H2AJ: variants seen among roughly 807,000 people sequenced by gnomAD.
H2AJ encodes the protein histone H2A.J.
Under a neutral mutation model 7.9 loss-of-function variants are expected in H2AJ, and 3 were observed. The ratio of observed to expected loss-of-function variants is 0.38; its 90% CI spans 0.17 to 0.98. The LOEUF is 0.98. Among genes scored for constraint, H2AJ ranks in the 50% least tolerant of loss-of-function variants. The pLI, the probability that H2AJ is intolerant of heterozygous loss-of-function variation, is 0.39. For missense variants in H2AJ, 128 were observed against 174.4 expected (o/e 0.73, Z 1.50); for synonymous variants, 98 against 85.7 (o/e 1.14, Z -0.79).
At chr12:14,776,019 C>T (rs1397285916), downstream of H2AJ, 1 of 167,176 alleles carries the variant, frequency 6.0e-6, no homozygotes, top group Non-Finnish European at 1.5e-5. Flanking sequence ...AATTGACACT[C>T]CTATTTATTT....
Position 14,774,905 on chromosome 12 carries a change from TTTTCA to T in H2AJ, c.*47_*51del, listed in dbSNP as rs1949612721. 1 of 1,583,472 alleles carries T rather than the reference TTTTCA, an allele frequency of 6.3e-7. No homozygotes were observed. The highest frequency in any genetic ancestry group is 8.6e-7 in the Non-Finnish European group (1 of 1,164,770). The stretch of plus-strand genomic sequence containing the variant: ...GAGCTGGCTCCCCCAGCAAAGGCCC[TTTTCA>T]TGGTCGTCCCGCAATGCTTTTGAAT... On this transcript the variant is annotated 3_prime_UTR_variant, in exon 1 of 1. Transcript: ENST00000544848.
chr12:14,774,949 T>C lies in H2AJ; in HGVS notation c.*89T>C. 1 of 1,434,466 alleles carries C rather than the reference T, an allele frequency of 7.0e-7. No homozygotes were observed. The highest frequency in any genetic ancestry group is 9.5e-7 in the Non-Finnish European group (1 of 1,056,898). 88.9% of individuals were successfully genotyped at this position (1,434,466 alleles called of 1,614,324 possible). ...ATGCTTTTGAATGTGCTGGATGTCA[T>C]GGAGGGCCGGTGACATCTAGCGGGG... On this transcript the variant is annotated 3_prime_UTR_variant, in exon 1 of 1. Coordinates refer to ENST00000544848, the MANE Select transcript of H2AJ (RefSeq NM_177925.5).
chr12:14,775,152 A>G, downstream of H2AJ: 1 of 499,988 alleles, frequency 2.0e-6, no homozygotes, highest in East Asian at 4.2e-5. Context: ...TTTAGTCCGC[A>G]GGTCACCCTC....
At position 14,774,970 on chromosome 12, in the gene H2AJ, C is replaced by G. The variant is rs753857466; in HGVS notation, c.*110C>G. ...GTCATGGAGGGCCGGTGACATCTAG[C>G]GGGGAGGTGGGCGGCGAGGGTCCCG... On this transcript the variant is annotated 3_prime_UTR_variant, in exon 1 of 1. Transcript: ENST00000544848. 1 of 1,305,902 alleles carries G rather than the reference C, an allele frequency of 7.7e-7. No homozygotes were observed. The highest frequency in any genetic ancestry group is 1.1e-6 in the Non-Finnish European group (1 of 952,080). 80.9% of individuals were successfully genotyped at this position (1,305,902 alleles called of 1,614,324 possible).
rs752051327 is a variant in H2AJ at position 14,774,441 on chromosome 12, C to A, written c.-30C>A. On this transcript the variant is annotated 5_prime_UTR_variant, in exon 1 of 1. Coordinates refer to ENST00000544848, the MANE Select transcript of H2AJ (RefSeq NM_177925.5). ...CCGGACGCCGAGAGCGGTTTGTCTC[C>A]GTCTCTGGAGTTGTAGGCGAGAGGT... The A allele has an allele frequency of 3.1e-5, 48 of 1,531,490 alleles. No individual in the cohort carries two copies. Among genetic ancestry groups the A allele is most frequent in the African/African-American group, 6.9e-5 (5 of 72,002 alleles). The allele number at this position is 1,531,490 out of a possible 1,614,324, so 94.9% of individuals were successfully genotyped here.
chr12:14,774,458 GC>G lies in H2AJ; in HGVS notation c.-12del. 1 of 1,552,622 alleles carries G rather than the reference GC, an allele frequency of 6.4e-7. No individual in the cohort carries two copies. Among genetic ancestry groups the G allele is most frequent in the Non-Finnish European group, 8.7e-7 (1 of 1,151,492 alleles). On this transcript the variant is annotated 5_prime_UTR_variant, in exon 1 of 1. Coordinates refer to ENST00000544848, the MANE Select transcript of H2AJ (RefSeq NM_177925.5). ...TTTGTCTCCGTCTCTGGAGTTGTAGGCGAGAGGTGATCATGTCCGGTCGCGG... is the reference window on the plus strand; with the variant it reads ...TTTGTCTCCGTCTCTGGAGTTGTAGGGAGAGGTGATCATGTCCGGTCGCGG...
Position 14,774,903 on chromosome 12 carries a change from C to T in H2AJ, c.*43C>T, listed in dbSNP as rs1949612538. 6.3e-7 allele frequency: 1 copy of T among 1,589,642 alleles called. No individual in the cohort carries two copies. The highest frequency in any genetic ancestry group is 1.4e-5 in the African/African-American group (1 of 73,826). ...GGGAGCTGGCTCCCCCAGCAAAGGC[C>T]CTTTTCATGGTCGTCCCGCAATGCT... is the stretch of plus-strand genomic sequence containing the variant. On this transcript the variant is annotated 3_prime_UTR_variant, in exon 1 of 1. Transcript: ENST00000544848.
chr12:14,777,982 A>T (rs1291051958), downstream of H2AJ: 1 of 166,964 alleles, frequency 6.0e-6, no homozygotes, highest in Non-Finnish European at 1.5e-5. Context: ...AAAAGTAATG[A>T]TTAAAGCTTG....
downstream of H2AJ, chr12:14,777,579 TA>T: frequency 6.0e-6 from 1 of 167,104 alleles, no homozygotes; most frequent in East Asian, 1.9e-4. Context: ...AAAGGTCGCA[TA>T]CCATGCTGTG....
In H2AJ at chr12:14,774,730, C is replaced by G; in HGVS notation, c.260C>G (p.Ala87Gly). The change falls in exon 1 of 1, where the codon GCC becomes GGC. Residue 87 changes from alanine to glycine, a missense_variant. Physicochemically the swap from Ala to Gly is moderately conservative, Grantham distance 60. Transcript: ENST00000544848. The stretch of plus-strand genomic sequence containing the variant: ...ATAATTCCCCGCCACCTGCAGCTCG[C>G]CATCCGCAACGACGAGGAGTTAAAC... ...TRIIPRHLQL[A>G]IRNDEELNKL... The G allele has an allele frequency of 6.2e-7, 1 of 1,614,218 alleles. No homozygotes were observed. Among genetic ancestry groups the G allele is most frequent in the African/African-American group, 1.3e-5 (1 of 75,060 alleles).
chr12:14,776,733 C>G (rs3748289), downstream of H2AJ: 14,767 of 167,070 alleles, frequency 0.088, 961 homozygotes, highest in Admixed American at 0.21. Flanking sequence ...GTTAGAACTA[C>G]TACTCACAGT....
chr12:14,777,418 T>C (rs1949655546), downstream of H2AJ: 1 of 167,226 alleles, frequency 6.0e-6, no homozygotes, highest in South Asian at 2.1e-4. Context: ...TTGATCTTTG[T>C]TTTTCCTGCA....
chr12:14,776,402 C>T (rs1409414824), downstream of H2AJ: 1 of 167,086 alleles, frequency 6.0e-6, no homozygotes, highest in Non-Finnish European at 1.5e-5. Context: ...AGTACTTGTA[C>T]CTCTCTGCTG....
At chr12:14,775,116 G>A (rs1592206796), downstream of H2AJ, 1 of 543,744 alleles carries the variant, frequency 1.8e-6, no homozygotes, top group African/African-American at 1.9e-5. Flanking sequence ...GGCACTGGTG[G>A]GTGGGCTTGA....
chr12:14,774,688 A>G lies in H2AJ; in HGVS notation c.218A>G (p.Asp73Gly). The change falls in exon 1 of 1, where the codon GAC (aspartate) becomes GGC (glycine). Residue 73 changes from aspartate to glycine, a missense_variant. Coordinates refer to ENST00000544848, the MANE Select transcript of H2AJ (RefSeq NM_177925.5). Reference sequence around the variant, plus strand: ...GAGCTGGCTGGCAACGCCGCGCGTGACAACAAGAAGACCAGGATAATTCCC... The same window carrying G: ...GAGCTGGCTGGCAACGCCGCGCGTGGCAACAAGAAGACCAGGATAATTCCC... ...ILELAGNAAR[D>G]NKKTRIIPRH... The G allele has an allele frequency of 6.2e-7, 1 of 1,614,168 alleles. No homozygotes were observed. Among genetic ancestry groups the G allele is most frequent in the Non-Finnish European group, 8.5e-7 (1 of 1,180,034 alleles).
Position 14,774,632 on chromosome 12 carries a change from G to A in H2AJ, c.162G>A (p.Ala54=), listed in dbSNP as rs763715842. 9 of 1,614,132 alleles carry A rather than the reference G, an allele frequency of 5.6e-6. No individual in the cohort carries two copies. In the Admixed American group the frequency reaches 1.3e-4, roughly 24 times the overall value. The change falls in exon 1 of 1, where the codon GCG becomes GCA. Residue 54 remains alanine (A), a synonymous_variant. Transcript: ENST00000544848. ...VGAGAPVYLA[A]VLEYLTAEIL... The stretch of plus-strand genomic sequence containing the variant: ...CCGGGGCGCCGGTGTACCTGGCGGC[G>A]GTGTTGGAGTACCTTACGGCGGAGA...
downstream of H2AJ, chr12:14,776,379 A>G (rs1359546422): frequency 1.2e-5 from 2 of 167,104 alleles, no homozygotes; most frequent in Non-Finnish European, 2.9e-5. Flanking sequence ...AATATGAGAG[A>G]TCAGCTTCTG....
downstream of H2AJ, chr12:14,777,257 G>A (rs1015152028): frequency 4.2e-5 from 7 of 166,998 alleles, no homozygotes; most frequent in African/African-American, 1.7e-4. Context: ...TATGGAAAAA[G>A]GCCTAAGACA....
chr12:14,774,891 C>A lies in H2AJ; in HGVS notation c.*31C>A, dbSNP rs6645. The A allele has an allele frequency of 6.2e-7, 1 of 1,601,660 alleles. No individual in the cohort carries two copies. Among genetic ancestry groups the A allele is most frequent in the Non-Finnish European group, 8.5e-7 (1 of 1,174,010 alleles). On this transcript the variant is annotated 3_prime_UTR_variant, in exon 1 of 1. Coordinates refer to ENST00000544848, the MANE Select transcript of H2AJ (RefSeq NM_177925.5). ...ACGCCGCCCTCAGGGAGCTGGCTCCCCCAGCAAAGGCCCTTTTCATGGTCG... is the reference window on the plus strand; with the variant it reads ...ACGCCGCCCTCAGGGAGCTGGCTCCACCAGCAAAGGCCCTTTTCATGGTCG...
Sources: gnomAD v4.1 joint callset for allele counts on GRCh38, gnomAD v4.1.1 for gene constraint, MANE v1.5 for transcripts, NCBI Gene and HGNC (gene_info 2026-07-23, HGNC 2026-07-21) for gene names.